Variants in COPG2 observed in about 807,000 individuals in gnomAD.
COPG2 encodes the protein coat protein complex I subunit gamma 2.
In COPG2, 37 loss-of-function variants were observed where a neutral mutation model predicts 46.3. The observed-to-expected ratio is 0.80, with a 90% CI of 0.61 to 1.05. COPG2 has a LOEUF of 1.05. COPG2 is among the 50% of genes least tolerant of loss of function. The pLI is 0.00. For missense variants in COPG2, 427 were observed against 387.8 expected, an observed-to-expected ratio of 1.10 and a Z score of -0.85; for synonymous variants, 159 against 129.7, an observed-to-expected ratio of 1.23 and a Z score of -1.53.
chr7:130,660,577 T>C (rs2116259881), intron 4 of COPG2, among the ~76,000 whole-genome samples: 1 of 152,220 alleles, frequency 6.6e-6, no homozygotes, highest in East Asian at 1.9e-4. Context: ...CCCAGGTCAC[T>C]TCCCTTATTT....
At chr7:130,565,659 G>C (rs1793790588) in intron 9 of COPG2, among the ~76,000 whole-genome samples, 2 of 151,832 alleles carry the variant, frequency 1.3e-5, no homozygotes, top group South Asian at 4.1e-4. Flanking sequence ...TATGTTCAAA[G>C]AACTAAAGGA....
chr7:130,584,782 A>G (rs1554447789), intron 9 of COPG2, among the ~76,000 whole-genome samples: 4 of 152,096 alleles, frequency 2.6e-5, no homozygotes, highest in Admixed American at 1.3e-4. Context: ...AAGGAAAACT[A>G]CAAAACACTG....
chr7:130,528,019 G>A (rs1374336823), intron 20 of COPG2, among the ~76,000 whole-genome samples: 6 of 152,140 alleles, frequency 3.9e-5, no homozygotes, highest in Non-Finnish European at 8.8e-5. Flanking sequence ...AGGCGCAAAG[G>A]GGAATGGAGA....
chr7:130,635,315 A>C (rs1795315584), intron 5 of COPG2, among the ~76,000 whole-genome samples: 1 of 152,082 alleles, frequency 6.6e-6, no homozygotes, highest in African/African-American at 2.4e-5. Flanking sequence ...CTCTGGTAGA[A>C]TTCGGCTGTG....
chr7:130,527,859 CGGT>C, intron 20 of COPG2, among the ~76,000 whole-genome samples: 1 of 152,190 alleles, frequency 6.6e-6, no homozygotes, highest in African/African-American at 2.4e-5. Flanking sequence ...AATGGGACCA[CGGT>C]GGTGCAGCTG....
intron 5 of COPG2, among the ~76,000 whole-genome samples, chr7:130,626,414 T>A (rs529818385): frequency 6.7e-6 from 1 of 148,972 alleles, no homozygotes; most frequent in African/African-American, 2.5e-5. Flanking sequence ...TTTTTTTTTT[T>A]TTTTTTTCTA....
At chr7:130,585,951 A>T (rs1794257458) in intron 9 of COPG2, among the ~76,000 whole-genome samples, 1 of 152,132 alleles carries the variant, frequency 6.6e-6, no homozygotes, top group Admixed American at 6.6e-5. Context: ...CATTTGATCC[A>T]GCAATCCCAC....
intron 4 of COPG2, among the ~76,000 whole-genome samples, chr7:130,656,629 C>G (rs1415715542): frequency 6.6e-6 from 1 of 151,922 alleles, no homozygotes; most frequent in Non-Finnish European, 1.5e-5. Context: ...TTAAGGAGAT[C>G]ACAAGAAAAA....
chr7:130,638,325 A>G (rs1795386238), intron 5 of COPG2, among the ~76,000 whole-genome samples: 1 of 152,172 alleles, frequency 6.6e-6, no homozygotes, highest in African/African-American at 2.4e-5. Flanking sequence ...CTGTGCCCAC[A>G]GCCGCCCCTT....
At chr7:130,665,318 C>T (rs1275260196) in intron 3 of COPG2, among the ~76,000 whole-genome samples, 1 of 152,036 alleles carries the variant, frequency 6.6e-6, no homozygotes, top group Non-Finnish European at 1.5e-5. Flanking sequence ...AATTGGAAAC[C>T]ATGGTTATCT....
chr7:130,635,666 A>G (rs879978726), intron 5 of COPG2, among the ~76,000 whole-genome samples: 3 of 152,124 alleles, frequency 2.0e-5, no homozygotes, highest in Non-Finnish European at 4.4e-5. Context: ...TCCTGGATTC[A>G]TTGATTTTTT....
rs1484160434 is a variant in COPG2 at position 130,591,165 on chromosome 7, C to A, written c.737+19788G>T. Among the ~76,000 whole-genome samples the A allele has an allele frequency of 2.5e-4, 35 of 141,164 alleles. 1 individual carries two copies. The highest frequency in any genetic ancestry group is 3.1e-5 in the Non-Finnish European group (2 of 64,020). The allele number at this position is 141,164 out of a possible 152,430, so 92.6% of individuals were successfully genotyped here. A position where few individuals can be genotyped will look rare whatever the true frequency, so the allele number is the denominator to read the frequency against. ...TGGGGGGGGTCAGCCCCCCGCCCGG[C>A]CAGCCGCCCCGTCCGGGAGGTGAGG... On this transcript the variant is annotated intron_variant, in intron 9 of 23. Coordinates refer to ENST00000425248, the MANE Select transcript of COPG2 (RefSeq NM_012133.6).
Position 130,511,352 on chromosome 7 carries a change from C to T in COPG2, c.2150-2693G>A, listed in dbSNP as rs558149615. 263 of 511,130 alleles carry T rather than the reference C, an allele frequency of 5.1e-4. 3 individuals carry two copies. The highest frequency in any genetic ancestry group is 3.7e-3 in the South Asian group (261 of 70,124). 31.7% of individuals were successfully genotyped at this position (511,130 alleles called of 1,614,324 possible). Reference sequence around the variant, plus strand: ...TACAGGCTAACTGCAGCAGTCTATGCAGGTCTGGACTGAACTGAGAAGCAA... The same window carrying T: ...TACAGGCTAACTGCAGCAGTCTATGTAGGTCTGGACTGAACTGAGAAGCAA... On this transcript the variant is annotated intron_variant, in intron 20 of 23. Transcript: ENST00000425248.
chr7:130,633,133 C>T (rs1333619531), intron 5 of COPG2, among the ~76,000 whole-genome samples: 2 of 152,132 alleles, frequency 1.3e-5, no homozygotes, highest in African/African-American at 2.4e-5. Context: ...TTTTCTTTAT[C>T]CAATCTATCA....
Position 130,560,755 on chromosome 7 carries a change from T to C in COPG2, c.1128+278A>G, listed in dbSNP as rs1482410077. 3.9e-5 allele frequency among the ~76,000 whole-genome samples: 6 copies of C among 152,286 alleles called. No individual in the cohort carries two copies. The East Asian group carries it at 9.7e-4, about 25-fold the overall frequency. On this transcript the variant is annotated intron_variant, in intron 12 of 23. Transcript: ENST00000425248. ...AAATTATGGTGGAATACAGTAGATA[T>C]AGGTATGGAAAAAATACTGAACTTA...
At chr7:130,553,324 A>C (rs1049072817) in intron 14 of COPG2, among the ~76,000 whole-genome samples, 21 of 152,178 alleles carry the variant, frequency 1.4e-4, no homozygotes, top group African/African-American at 5.1e-4. Flanking sequence ...TACATTTGAA[A>C]GTCCCCCCCG....
chr7:130,619,805 C>T (rs782680722), intron 5 of COPG2, among the ~76,000 whole-genome samples: 21 of 152,166 alleles, frequency 1.4e-4, no homozygotes, highest in African/African-American at 4.3e-4. Flanking sequence ...AATGACAATT[C>T]GCTTAGCTGT....
chr7:130,545,900 A>C (rs1793435295), intron 20 of COPG2, among the ~76,000 whole-genome samples: 1 of 152,034 alleles, frequency 6.6e-6, no homozygotes, highest in Non-Finnish European at 1.5e-5. Context: ...ACTATATGTA[A>C]TTTCTATATT....
At chr7:130,608,456 G>A (rs367761072) in intron 9 of COPG2, among the ~76,000 whole-genome samples, 1 of 152,010 alleles carries the variant, frequency 6.6e-6, no homozygotes, top group African/African-American at 2.4e-5. Flanking sequence ...TTTTTAGCTG[G>A]AAAAACTCCT....
Sources: allele counts gnomAD v4.1 joint callset (sites outside exome capture counted in the v4.1 genomes callset), GRCh38; gene constraint gnomAD v4.1.1; transcripts MANE v1.5; gene names NCBI Gene and HGNC (gene_info 2026-07-23, HGNC 2026-07-21).